The following PPP2CB variants were observed in gnomAD, a reference collection of about 807,000 sequenced individuals.
PPP2CB encodes protein phosphatase 2 catalytic subunit beta.
Under a neutral mutation model 39.1 loss-of-function variants are expected in PPP2CB, and 18 were observed. That is an observed-to-expected ratio of 0.46 (90% CI 0.32 to 0.68). The LOEUF (loss-of-function observed/expected upper bound fraction) is 0.68. Ranked by LOEUF, PPP2CB falls within the 30% of genes least tolerant of loss-of-function variation. The pLI, the probability that PPP2CB is intolerant of heterozygous loss-of-function variation, is 0.04. For synonymous variants in PPP2CB, 129 were observed against 133.8 expected (o/e 0.96, Z 0.25); for missense variants, 226 against 396.9 (o/e 0.57, Z 3.66).
At position 30,792,848 on chromosome 8, in the gene PPP2CB, C is replaced by G. The variant is rs891430180; in HGVS notation, c.738+1069G>C. Among the ~76,000 whole-genome samples the G allele has an allele frequency of 8.5e-5, 13 of 152,058 alleles. 1 individual carries two copies. The highest frequency in any genetic ancestry group is 8.3e-4 in the South Asian group (4 of 4,832). ...CTCTTTCAGGCTAAAATTTTAGTCT[C>G]TTTCTTATAATCACTGATATAATTA... On this transcript the variant is annotated intron_variant, in intron 5 of 6. Transcript: ENST00000221138.
intron 1 of PPP2CB, chr8:30,809,900 G>A: frequency 6.6e-6 from 1 of 152,040 alleles, no homozygotes; most frequent in Non-Finnish European, 1.5e-5. Context: ...TTGCCCCACT[G>A]CACTCCAGCC....
intron 1 of PPP2CB, among the ~76,000 whole-genome samples, chr8:30,809,277 T>A (rs1806783413): frequency 6.6e-6 from 1 of 151,936 alleles, no homozygotes; most frequent in Non-Finnish European, 1.5e-5. Flanking sequence ...ATCTCTGTCA[T>A]AAGGAATCAG....
In PPP2CB at chr8:30,812,354, A is replaced by G. The variant is rs1806851163; in HGVS notation, c.68T>C (p.Leu23Pro). Reference sequence around the variant, plus strand: ...CAGCGTCCGCACTTGGTTCTCGTTCAGCTGCTTACACTCGTTCAGCTGCTC... The same window carrying G: ...CAGCGTCCGCACTTGGTTCTCGTTCGGCTGCTTACACTCGTTCAGCTGCTC... ...WVEQLNECKQLNENQVRTLCE... is the reference protein window; with the variant it reads ...WVEQLNECKQPNENQVRTLCE... Residue 23 changes from leucine to proline, a missense_variant, in exon 1 of 7, where the codon CTG (leucine) becomes CCG (proline). Leu to Pro is a moderately conservative substitution (Grantham distance 98). This residue lies in a region of PPP2CB where 59 missense variants were observed against 42.6 expected (regional missense o/e 1.38). Coordinates refer to ENST00000221138, the MANE Select transcript of PPP2CB (RefSeq NM_001009552.2). 9 of 1,556,184 alleles carry G rather than the reference A, an allele frequency of 5.8e-6. No individual in the cohort carries two copies. The highest frequency in any genetic ancestry group is 1.2e-5 in the South Asian group (1 of 86,392).
At chr8:30,797,790 C>T (rs756097606) in intron 2 of PPP2CB, 36 bp from the exon 3 acceptor site, 6 of 1,594,780 alleles carry the variant, frequency 3.8e-6, no homozygotes, top group African/African-American at 1.4e-5. Flanking sequence ...AGTAAAATCA[C>T]ATTTTTACTA....
intron 1 of PPP2CB, 52 bp from the exon 2 acceptor site, chr8:30,799,807 T>C: frequency 6.5e-7 from 1 of 1,535,624 alleles, no homozygotes; most frequent in Non-Finnish European, 8.9e-7. Context: ...TCATTTCTTA[T>C]CTATTAAAAG....
intron 6 of PPP2CB, among the ~76,000 whole-genome samples, chr8:30,787,702 G>A (rs1424950580): frequency 6.6e-6 from 1 of 152,066 alleles, no homozygotes; most frequent in African/African-American, 2.4e-5. Flanking sequence ...TTTTATTTGT[G>A]GGGAGTTTTA....
intron 3 of PPP2CB, 72 bp downstream of exon 3, chr8:30,797,509 A>G: frequency 1.4e-6 from 2 of 1,418,446 alleles, no homozygotes; most frequent in Non-Finnish European, 1.9e-6. Context: ...ATGAATCTAG[A>G]CCCCAGCTTA....
In PPP2CB at chr8:30,797,692, T is replaced by C; in HGVS notation, c.375A>G (p.Gln125=). The change falls in exon 3 of 7, where the codon CAA becomes CAG. Residue 125 remains glutamine, a synonymous_variant. Transcript: ENST00000221138. ...GACATTCATCATAAAAGCCATATAC[T>C]TGGGTAATTTGTCGGCTTTCGTGAT... is the stretch of plus-strand genomic sequence containing the variant. ...RGNHESRQIT[Q]VYGFYDECLR... is the part of the protein sequence containing the mutation. 6.2e-7 allele frequency: 1 copy of C among 1,614,076 alleles called. No homozygotes were observed. The highest frequency in any genetic ancestry group is 1.1e-5 in the South Asian group (1 of 91,078).
At chr8:30,790,223 C>T (rs1586120634) in intron 6 of PPP2CB, among the ~76,000 whole-genome samples, 1 of 152,098 alleles carries the variant, frequency 6.6e-6, no homozygotes, top group Non-Finnish European at 1.5e-5. Flanking sequence ...TATATGAATA[C>T]CCCACATCCT....
chr8:30,791,667 T>A (rs1806431272), intron 5 of PPP2CB: 1 of 167,242 alleles, frequency 6.0e-6, no homozygotes, highest in Admixed American at 6.4e-5. Flanking sequence ...AAGCTATTAC[T>A]AGGTAAATAC....
intron 1 of PPP2CB, among the ~76,000 whole-genome samples, chr8:30,801,621 A>G (rs1188863485): frequency 6.6e-6 from 1 of 152,088 alleles, no homozygotes; most frequent in Non-Finnish European, 1.5e-5. Context: ...GCACAATTTT[A>G]GGGACAGACA....
At chr8:30,799,848 G>C (rs1806591681) in intron 1 of PPP2CB, 93 bp from the exon 2 acceptor site, 1 of 1,110,518 alleles carries the variant, frequency 9.0e-7, no homozygotes, top group Non-Finnish European at 1.3e-6. Context: ...CTTGAAAAGT[G>C]CCTTATAAAA....
chr8:30,791,368 C>G, intron 5 of PPP2CB, 53 bp from the exon 6 acceptor site: 1 of 1,332,526 alleles, frequency 7.5e-7, no homozygotes, highest in Non-Finnish European at 1.1e-6. Flanking sequence ...GATTTTGACA[C>G]AGACACATTT....
At chr8:30,796,303 G>T (rs1414891848) in intron 3 of PPP2CB, among the ~76,000 whole-genome samples, 1 of 152,166 alleles carries the variant, frequency 6.6e-6, no homozygotes, top group African/African-American at 2.4e-5. Context: ...AGCAGTCTAA[G>T]AGAGAATTTA....
intron 1 of PPP2CB, among the ~76,000 whole-genome samples, chr8:30,802,208 A>T (rs1453296715): frequency 6.6e-6 from 1 of 152,192 alleles, no homozygotes; most frequent in Non-Finnish European, 1.5e-5. Flanking sequence ...CTTCAGTTTT[A>T]ATCTAATTGT....
At chr8:30,810,638 C>G in intron 1 of PPP2CB, among the ~76,000 whole-genome samples, 1 of 152,032 alleles carries the variant, frequency 6.6e-6, no homozygotes, top group Non-Finnish European at 1.5e-5. Context: ...TTTTAAGACT[C>G]ATGAAATTAC....
chr8:30,810,614 G>A (rs1806810279), intron 1 of PPP2CB, among the ~76,000 whole-genome samples: 2 of 152,204 alleles, frequency 1.3e-5, no homozygotes, highest in African/African-American at 2.4e-5. Context: ...GGAGAGAGAT[G>A]TTTAAGGCAT....
chr8:30,795,870 C>T (rs191129045), intron 3 of PPP2CB, among the ~76,000 whole-genome samples: 2 of 152,244 alleles, frequency 1.3e-5, no homozygotes, highest in South Asian at 2.1e-4. Context: ...TATAATTATG[C>T]CTTATTTCAT....
intron 1 of PPP2CB, among the ~76,000 whole-genome samples, chr8:30,800,256 G>C (rs964554068): frequency 6.6e-6 from 1 of 152,202 alleles, no homozygotes; most frequent in African/African-American, 2.4e-5. Context: ...CAACTTTGAA[G>C]ACATTATGGT....
Sources: allele counts gnomAD v4.1 joint callset (sites outside exome capture counted in the v4.1 genomes callset), GRCh38; gene constraint gnomAD v4.1.1; regional missense constraint gnomAD v4.1.1; transcripts MANE v1.5; gene names NCBI Gene and HGNC (gene_info 2026-07-23, HGNC 2026-07-21).